STXBP5: variants seen among roughly 807,000 people sequenced by gnomAD.
STXBP5 encodes syntaxin-binding protein 5.
Under a neutral mutation model 152.4 loss-of-function variants are expected in STXBP5, and 50 were observed. The ratio of observed to expected loss-of-function variants is 0.33; its 90% CI spans 0.26 to 0.42. The LOEUF (loss-of-function observed/expected upper bound fraction) is 0.42, where lower values mean the gene tolerates loss of function less well. Ranked by LOEUF, STXBP5 falls within the 10% of genes least tolerant of loss-of-function variation. STXBP5 has a pLI of 1.00. For synonymous variants in STXBP5, 492 were observed against 494.7 expected (o/e 0.99, Z 0.07); for missense variants, 1,167 against 1,388.6 (o/e 0.84, Z 2.54).
At chr6:147,317,765 T>C (rs1782714799) in intron 16 of STXBP5, among the ~76,000 whole-genome samples, 1 of 152,178 alleles carries the variant, frequency 6.6e-6, no homozygotes, top group Admixed American at 6.5e-5. Context: ...TTAACTAGAA[T>C]GAGACTTGGG....
rs1782649600 is a variant in STXBP5 at position 147,316,416 on chromosome 6, T to C, written c.1802+9T>C. Reference sequence around the variant, plus strand: ...AATGTACCTTGTTTAAAGTAAGTTATAAAAAACTACAGAGGAGTTTTGGAT... The same window carrying C: ...AATGTACCTTGTTTAAAGTAAGTTACAAAAAACTACAGAGGAGTTTTGGAT... On this transcript the variant is annotated intron_variant, in intron 16 of 27. Coordinates refer to ENST00000321680, the MANE Select transcript of STXBP5 (RefSeq NM_001127715.4). The C allele has an allele frequency of 1.5e-5, 23 of 1,498,342 alleles. No individual in the cohort carries two copies. The highest frequency in any genetic ancestry group is 2.0e-5 in the Non-Finnish European group (22 of 1,126,180). 92.8% of individuals were successfully genotyped at this position (1,498,342 alleles called of 1,614,324 possible).
chr6:147,325,092 TA>T lies in STXBP5; in HGVS notation c.1928+10del. ...CAATTCTTCCTATGGACTGTAAGTA[TA>T]AGTTACGTTTTTTTCTAAGTCTCTT... On this transcript the variant is annotated intron_variant, in intron 17 of 27. Coordinates refer to ENST00000321680, the MANE Select transcript of STXBP5 (RefSeq NM_001127715.4). 6.7e-7 allele frequency: 1 copy of T among 1,493,100 alleles called. No individual in the cohort carries two copies. Among genetic ancestry groups the T allele is most frequent in the Non-Finnish European group, 9.0e-7 (1 of 1,114,492 alleles). 92.5% of individuals were successfully genotyped at this position (1,493,100 alleles called of 1,614,324 possible). A position where few individuals can be genotyped will look rare whatever the true frequency, so the allele number is the denominator to read the frequency against.
chr6:147,381,446 A>C (rs1046762892), intron 26 of STXBP5, among the ~76,000 whole-genome samples: 3 of 152,120 alleles, frequency 2.0e-5, no homozygotes, highest in Non-Finnish European at 4.4e-5. Context: ...GAAATGTAAA[A>C]TGGGTGCACC....
At chr6:147,282,373 C>T (rs1008871057) in intron 8 of STXBP5, among the ~76,000 whole-genome samples, 1 of 152,134 alleles carries the variant, frequency 6.6e-6, no homozygotes, top group South Asian at 2.1e-4. Flanking sequence ...TTTTATGAGT[C>T]TCAAACATTT....
intron 9 of STXBP5, among the ~76,000 whole-genome samples, chr6:147,303,428 C>G (rs1212601688): frequency 6.6e-6 from 1 of 152,168 alleles, no homozygotes; most frequent in Non-Finnish European, 1.5e-5. Flanking sequence ...GCCTCCCCAG[C>G]CATGCTGAAC....
chr6:147,319,795 C>G (rs1318470670), intron 16 of STXBP5, among the ~76,000 whole-genome samples: 2 of 150,294 alleles, frequency 1.3e-5, no homozygotes, highest in Non-Finnish European at 1.5e-5. Flanking sequence ...CGAAGGAGCC[C>G]AGTAATTATA....
At chr6:147,372,669 A>G (rs999334393) in intron 25 of STXBP5, among the ~76,000 whole-genome samples, 2 of 151,630 alleles carry the variant, frequency 1.3e-5, no homozygotes, top group Non-Finnish European at 2.9e-5. Context: ...ACCTGACCTC[A>G]TGATCCTCCC....
At chr6:147,331,271 G>C (rs571958009) in intron 18 of STXBP5, among the ~76,000 whole-genome samples, 44 of 152,246 alleles carry the variant, frequency 2.9e-4, no homozygotes, top group African/African-American at 7.2e-4. Context: ...AACTCAAAAA[G>C]ATAATTTATA....
chr6:147,209,606 A>G (rs1274838266), intron 2 of STXBP5, among the ~76,000 whole-genome samples: 1 of 152,190 alleles, frequency 6.6e-6, no homozygotes, highest in Non-Finnish European at 1.5e-5. Flanking sequence ...AGTAATACAA[A>G]AGAAATGAAA....
intron 4 of STXBP5, among the ~76,000 whole-genome samples, chr6:147,240,550 T>A: frequency 6.6e-6 from 1 of 152,178 alleles, no homozygotes; most frequent in Middle Eastern, 3.2e-3. Flanking sequence ...AGTTGATTTG[T>A]TTTCTCAAGT....
chr6:147,231,807 A>G (rs932610755), intron 2 of STXBP5, among the ~76,000 whole-genome samples: 1 of 151,830 alleles, frequency 6.6e-6, no homozygotes, highest in Non-Finnish European at 1.5e-5. Flanking sequence ...GATCTTCATT[A>G]TAGTGTTTGA....
At position 147,205,995 on chromosome 6, in the gene STXBP5, C is replaced by G. The variant is rs767381114; in HGVS notation, c.175C>G (p.Gln59Glu). Residue 59 changes from glutamine (Q) to glutamate (E), a missense_variant, in exon 2 of 28, where the codon CAA becomes GAA. Around this residue, in one of 3 missense-constraint regions of STXBP5, gnomAD observed 310 missense variants for 346.1 expected, o/e 0.90. Transcript: ENST00000321680. ...GACTGTTCGCCATGGATTTCCCTAT[C>G]AACCCTCAGCCCTGGCCTTTGATCC... Reference protein sequence around the residue: ...CKTVRHGFPYQPSALAFDPVQ... With the variant: ...CKTVRHGFPYEPSALAFDPVQ... The G allele has an allele frequency of 9.9e-6, 16 of 1,614,146 alleles. No homozygotes were observed. The highest frequency in any genetic ancestry group is 1.4e-5 in the Non-Finnish European group (16 of 1,180,008).
rs1224435194 is a variant in STXBP5, at chr6:147,390,381, G to C, written c.*5626G>C. 6.6e-6 allele frequency: 1 copy of C among 151,742 alleles called. No individual in the cohort carries two copies. Among genetic ancestry groups the C allele is most frequent in the East Asian group, 1.9e-4 (1 of 5,168 alleles). 9.4% of individuals were successfully genotyped at this position (151,742 alleles called of 1,614,324 possible). ...TATTATAAATTAATTAATGTTTCTG[G>C]AAAATGTTCATATATATGTATATGA... is the stretch of plus-strand genomic sequence containing the variant. On this transcript the variant is annotated 3_prime_UTR_variant, in exon 28 of 28. Transcript: ENST00000321680.
intron 9 of STXBP5, among the ~76,000 whole-genome samples, chr6:147,291,835 A>T (rs1401559076): frequency 6.6e-6 from 1 of 152,158 alleles, no homozygotes; most frequent in African/African-American, 2.4e-5. Flanking sequence ...TTCCCCAGGA[A>T]AAGTATATGG....
At chr6:147,361,143 A>C (rs1272982041) in intron 23 of STXBP5, among the ~76,000 whole-genome samples, 1 of 152,190 alleles carries the variant, frequency 6.6e-6, no homozygotes, top group African/African-American at 2.4e-5. Context: ...TCAAAATGTT[A>C]ACAGGAGTTA....
chr6:147,231,969 T>G (rs1003545521), intron 2 of STXBP5, among the ~76,000 whole-genome samples: 1 of 151,924 alleles, frequency 6.6e-6, no homozygotes, highest in African/African-American at 2.4e-5. Context: ...ATGTCCACTG[T>G]CAGGGAACAT....
intron 2 of STXBP5, among the ~76,000 whole-genome samples, chr6:147,228,601 G>T (rs1777849230): frequency 6.6e-6 from 1 of 151,510 alleles, no homozygotes; most frequent in Non-Finnish European, 1.5e-5. Flanking sequence ...TCTCTTGTTG[G>T]ATGTTACATG....
intron 21 of STXBP5, among the ~76,000 whole-genome samples, chr6:147,352,112 T>C (rs1346728380): frequency 6.6e-6 from 1 of 152,198 alleles, no homozygotes; most frequent in Non-Finnish European, 1.5e-5. Context: ...TGGATTCCAG[T>C]AAGTTTATAC....
chr6:147,334,151 T>C lies in STXBP5; in HGVS notation c.2081-6T>C. On this transcript the variant is annotated splice_region_variant and splice_polypyrimidine_tract_variant and intron_variant, in intron 18 of 27. Coordinates refer to ENST00000321680, the MANE Select transcript of STXBP5 (RefSeq NM_001127715.4). Reference sequence around the variant, plus strand: ...GGTTGATTTGTTTTTTGTTTTTGTTTTGTAGCCGGTCTGTGTGATATTAGT... The same window carrying C: ...GGTTGATTTGTTTTTTGTTTTTGTTCTGTAGCCGGTCTGTGTGATATTAGT... 1 of 1,612,188 alleles carries C rather than the reference T, an allele frequency of 6.2e-7. No homozygotes were observed. The highest frequency in any genetic ancestry group is 8.5e-7 in the Non-Finnish European group (1 of 1,179,372).
Sources: gnomAD v4.1 joint callset for allele counts (sites outside exome capture counted in the v4.1 genomes callset) on GRCh38, gnomAD v4.1.1 for gene constraint, gnomAD v4.1.1 regional missense constraint, MANE v1.5 for transcripts, NCBI Gene and HGNC (gene_info 2026-07-23, HGNC 2026-07-21) for gene names.